Variants in ADAMTS16 observed in about 807,000 individuals in gnomAD.
ADAMTS16 encodes ADAM metallopeptidase with thrombospondin type 1 motif 16, also known as A disintegrin and metalloproteinase with thrombospondin motifs 16.
In ADAMTS16, 94 loss-of-function variants were observed where a neutral mutation model predicts 145.8. That is an observed-to-expected ratio of 0.64 (90% CI 0.55 to 0.77). ADAMTS16 has a LOEUF of 0.77. Ranked by LOEUF, ADAMTS16 falls within the 30% of genes least tolerant of loss-of-function variation. The pLI is 0.00. For synonymous variants in ADAMTS16, 659 were observed against 604.3 expected, an observed-to-expected ratio of 1.09 and a Z score of -1.33; for missense variants, 1,585 against 1,591.5, an observed-to-expected ratio of 1.00 and a Z score of 0.07.
intron 18 of ADAMTS16, among the ~76,000 whole-genome samples, chr5:5,280,843 C>T (rs1005353378): frequency 6.6e-6 from 1 of 152,130 alleles, no homozygotes; most frequent in Non-Finnish European, 1.5e-5. Flanking sequence ...TCTAGGGGAA[C>T]CTACTCATCC....
chr5:5,244,075 T>A (rs1400531223), intron 17 of ADAMTS16, among the ~76,000 whole-genome samples: 7 of 152,214 alleles, frequency 4.6e-5, no homozygotes, highest in Non-Finnish European at 1.0e-4. Context: ...ATTTCCCACA[T>A]TCTGTAGGAT....
chr5:5,165,418 G>A (rs909753995), intron 3 of ADAMTS16, among the ~76,000 whole-genome samples: 13 of 152,106 alleles, frequency 8.5e-5, no homozygotes, highest in Non-Finnish European at 1.6e-4. Flanking sequence ...TTGCAAATCT[G>A]TTCCAAGGAT....
intron 3 of ADAMTS16, among the ~76,000 whole-genome samples, chr5:5,154,509 T>A (rs979108108): frequency 1.3e-5 from 2 of 152,232 alleles, no homozygotes; most frequent in Non-Finnish European, 2.9e-5. Flanking sequence ...TTCTATTAAT[T>A]TACTGTTAGT....
chr5:5,242,361 C>A (rs185174761), intron 17 of ADAMTS16, among the ~76,000 whole-genome samples, 170 bp downstream of exon 17: 2 of 152,188 alleles, frequency 1.3e-5, no homozygotes, highest in African/African-American at 4.8e-5. Context: ...CTTGTCGGCC[C>A]GAGCTGCCTT....
intron 10 of ADAMTS16, among the ~76,000 whole-genome samples, chr5:5,216,652 T>C (rs1296676564): frequency 6.7e-6 from 1 of 150,206 alleles, no homozygotes; most frequent in Non-Finnish European, 1.5e-5. Context: ...CATGTGCACA[T>C]TGTGCAGGTT....
At position 5,258,163 on chromosome 5, in the gene ADAMTS16, A is replaced by G. The variant is rs558092192; in HGVS notation, c.2663-4494A>G. 3.3e-5 allele frequency among the ~76,000 whole-genome samples: 5 copies of G among 152,246 alleles called. No individual in the cohort carries two copies. In the South Asian group the frequency reaches 1.0e-3, roughly 32 times the overall value. On this transcript the variant is annotated intron_variant, in intron 17 of 22. Transcript: ENST00000274181. ...GAATGACATCGGAATGATTGATTGA[A>G]TCATCCGCCGTTAGTGATTAGCCAA...
At chr5:5,318,589 C>G (rs1167043923) in intron 22 of ADAMTS16, among the ~76,000 whole-genome samples, 1 of 152,168 alleles carries the variant, frequency 6.6e-6, no homozygotes, top group Admixed American at 6.5e-5. Context: ...ACAAAAGCCT[C>G]CCTTATTCAC....
At chr5:5,145,808 T>G (rs894941971) in intron 2 of ADAMTS16, among the ~76,000 whole-genome samples, 21 of 152,110 alleles carry the variant, frequency 1.4e-4, no homozygotes, top group African/African-American at 5.1e-4. Context: ...GCTACAGTGG[T>G]AGGAGCTGGT....
chr5:5,301,331 CA>C (rs1739761452), intron 18 of ADAMTS16, among the ~76,000 whole-genome samples: 1 of 152,210 alleles, frequency 6.6e-6, no homozygotes, highest in African/African-American at 2.4e-5. Context: ...CCTCCTGCCT[CA>C]GCCTGGAATT....
rs562142561 is a variant in ADAMTS16 at position 5,303,310 on chromosome 5, C to T, written c.2832C>T (p.Gly944=). Residue 944 remains glycine (G), a synonymous_variant, in exon 19 of 23, where the codon GGC becomes GGT. Transcript: ENST00000274181. ...GNWSACSRTC[G]GGAQSRPVQC... ...GGAGTGCCTGCAGTCGGACGTGTGGCGGGGGTGCCCAGAGCCGCCCCGTGC... is the reference window on the plus strand; with the variant it reads ...GGAGTGCCTGCAGTCGGACGTGTGGTGGGGGTGCCCAGAGCCGCCCCGTGC... 26 of 1,595,034 alleles carry T rather than the reference C, an allele frequency of 1.6e-5. No individual in the cohort carries two copies. The highest frequency in any genetic ancestry group is 1.9e-4 in the Middle Eastern group (1 of 5,362).
intron 18 of ADAMTS16, among the ~76,000 whole-genome samples, chr5:5,282,563 T>C (rs1738961053): frequency 1.3e-5 from 2 of 152,156 alleles, no homozygotes; most frequent in South Asian, 4.1e-4. Context: ...TGGCTTCTCC[T>C]CCCCACTGTT....
chr5:5,255,264 T>A (rs577462920), intron 17 of ADAMTS16, among the ~76,000 whole-genome samples: 98 of 152,256 alleles, frequency 6.4e-4, no homozygotes, highest in Middle Eastern at 3.4e-3. Context: ...AGTGACAGTT[T>A]CACCAAAAAA....
Position 5,191,785 on chromosome 5 carries a change from A to G in ADAMTS16, c.1308A>G (p.Gly436=), listed in dbSNP as rs768334775. The change falls in exon 8 of 23, where the codon GGA becomes GGG. Residue 436 remains glycine (G), a synonymous_variant. Transcript: ENST00000274181. ...CCTTCACCATTGCCCATGAGTCTGGACACAAGTAAGTGCATCTCCATGGGA... is the reference window on the plus strand; with the variant it reads ...CCTTCACCATTGCCCATGAGTCTGGGCACAAGTAAGTGCATCTCCATGGGA... ...GLAFTIAHES[G]HNFGMIHDGE... is the part of the protein sequence containing the mutation. 3 of 1,610,272 alleles carry G rather than the reference A, an allele frequency of 1.9e-6. No homozygotes were observed. The highest frequency in any genetic ancestry group is 2.5e-6 in the Non-Finnish European group (3 of 1,178,368).
chr5:5,144,157 G>A (rs143497629), intron 2 of ADAMTS16, among the ~76,000 whole-genome samples: 1 of 152,008 alleles, frequency 6.6e-6, no homozygotes, highest in East Asian at 1.9e-4. Context: ...ATGCTCACTA[G>A]CGAACATAAT....
Position 5,303,252 on chromosome 5 carries a change from C to G in ADAMTS16, c.2790-16C>G, listed in dbSNP as rs757062404. 1.3e-6 allele frequency: 2 copies of G among 1,537,194 alleles called. No homozygotes were observed. The highest frequency in any genetic ancestry group is 1.8e-6 in the Non-Finnish European group (2 of 1,140,264). ...ATGGAGCCATCCCTCACCGAGGTCT[C>G]TTTGTCCCTGCCCAGCTGGTCCGTG... On this transcript the variant is annotated splice_polypyrimidine_tract_variant and intron_variant, in intron 18 of 22. Transcript: ENST00000274181.
At chr5:5,188,848 A>C (rs1427148433) in intron 6 of ADAMTS16, among the ~76,000 whole-genome samples, 1 of 152,140 alleles carries the variant, frequency 6.6e-6, no homozygotes, top group Non-Finnish European at 1.5e-5. Flanking sequence ...GTTGCTGAAC[A>C]TGCCGGGCTT....
intron 11 of ADAMTS16, among the ~76,000 whole-genome samples, chr5:5,231,846 A>T (rs187113586): frequency 6.6e-6 from 1 of 152,324 alleles, no homozygotes; most frequent in Admixed American, 6.5e-5. Context: ...CGTGACCTCT[A>T]ACATGGCATC....
chr5:5,176,482 A>C (rs1451603625), intron 3 of ADAMTS16, among the ~76,000 whole-genome samples: 1 of 152,216 alleles, frequency 6.6e-6, no homozygotes, highest in Non-Finnish European at 1.5e-5. Flanking sequence ...ATTAATGTCC[A>C]GGTGAATTAA....
intron 10 of ADAMTS16, among the ~76,000 whole-genome samples, chr5:5,222,531 T>G (rs1467144150): frequency 1.3e-5 from 2 of 152,130 alleles, no homozygotes; most frequent in Non-Finnish European, 2.9e-5. Context: ...TACATTTTAA[T>G]TTAGAAAATA....
Sources: allele counts gnomAD v4.1 joint callset (sites outside exome capture counted in the v4.1 genomes callset), GRCh38; gene constraint gnomAD v4.1.1; transcripts MANE v1.5; gene names NCBI Gene and HGNC (gene_info 2026-07-23, HGNC 2026-07-21).